DSE: variants seen among roughly 807,000 people sequenced by gnomAD.
DSE encodes dermatan sulfate epimerase.
DSE carries 36 observed loss-of-function variants against 84.4 expected under a neutral mutation model. That is an observed-to-expected ratio of 0.43 (90% confidence interval 0.33 to 0.56). The LOEUF (loss-of-function observed/expected upper bound fraction) is 0.56. DSE is among the 20% of genes least tolerant of loss of function. DSE has a pLI of 0.06. For missense variants in DSE, 862 were observed against 1,169.6 expected (o/e 0.74, Z 3.84); for synonymous variants, 410 against 430.1 (o/e 0.95, Z 0.58).
intron 2 of DSE, among the ~76,000 whole-genome samples, chr6:116,306,181 C>G (rs184636052): frequency 3.7e-4 from 56 of 152,130 alleles, no homozygotes; most frequent in Non-Finnish European, 6.9e-4. Context: ...TGGATAAAAA[C>G]TACAAAGAAG....
At chr6:116,290,265 G>C (rs932002676) in intron 2 of DSE, among the ~76,000 whole-genome samples, 1 of 152,026 alleles carries the variant, frequency 6.6e-6, no homozygotes, top group African/African-American at 2.4e-5. Flanking sequence ...CGTTTTCTTG[G>C]ATCTGTATCA....
chr6:116,265,407 A>G (rs1014649202), intron 2 of DSE, among the ~76,000 whole-genome samples: 1 of 152,166 alleles, frequency 6.6e-6, no homozygotes, highest in African/African-American at 2.4e-5. Context: ...GGCTCTGTCT[A>G]CAATGGCAGT....
chr6:116,436,446 G>A lies in DSE; in HGVS notation c.1978G>A (p.Ala660Thr). ...TMHLRSPITR[A>T]AYLFIGPSID... Reference sequence around the variant, plus strand: ...GCACCTCCGAAGTCCCATCACCAGGGCAGCTTACCTCTTCATAGGGCCATC... The same window carrying A: ...GCACCTCCGAAGTCCCATCACCAGGACAGCTTACCTCTTCATAGGGCCATC... The change falls in exon 6 of 6, where the codon GCA (alanine) becomes ACA (threonine). Residue 660 changes from alanine (A) to threonine (T), a missense_variant. This residue lies in a region of DSE where 186 missense variants were observed against 255.1 expected (regional missense o/e 0.73). Transcript: ENST00000644252. 1.9e-6 allele frequency: 3 copies of A among 1,614,090 alleles called. No individual in the cohort carries two copies. The highest frequency in any genetic ancestry group is 2.5e-6 in the Non-Finnish European group (3 of 1,180,006).
intron 1 of DSE, among the ~76,000 whole-genome samples, chr6:116,382,827 G>C (rs551185972): frequency 6.6e-6 from 1 of 152,238 alleles, no homozygotes; most frequent in East Asian, 1.9e-4. Flanking sequence ...TGAGGTAAGT[G>C]AACAAATAGG....
chr6:116,340,733 G>A (rs1377831103), intron 2 of DSE, among the ~76,000 whole-genome samples: 2 of 152,028 alleles, frequency 1.3e-5, no homozygotes, highest in African/African-American at 4.8e-5. Flanking sequence ...GTGAGAACAT[G>A]TGGTGTTTGG....
At chr6:116,432,601 C>G (rs1217918371) in intron 4 of DSE, 1 of 151,200 alleles carries the variant, frequency 6.6e-6, no homozygotes, top group African/African-American at 2.4e-5. Context: ...AATCTGTTTT[C>G]AACTTCATTT....
At chr6:116,417,269 G>T (rs1048643829) in intron 2 of DSE, among the ~76,000 whole-genome samples, 1 of 152,154 alleles carries the variant, frequency 6.6e-6, no homozygotes, top group African/African-American at 2.4e-5. Context: ...GATTATGTTT[G>T]GGTGGCATGC....
chr6:116,331,236 T>C (rs1341196983), intron 2 of DSE, among the ~76,000 whole-genome samples: 5 of 152,150 alleles, frequency 3.3e-5, no homozygotes, highest in Non-Finnish European at 7.3e-5. Flanking sequence ...TTCATTCTCT[T>C]GCTGCTATGA....
At chr6:116,278,571 G>A (rs764951902) in intron 2 of DSE, 6 of 1,614,034 alleles carry the variant, frequency 3.7e-6, no homozygotes, top group Admixed American at 3.3e-5. Flanking sequence ...CCCTTAGCGG[G>A]CGACGTCGGG....
chr6:116,288,575 A>G (rs1233038503), intron 2 of DSE: 1 of 152,114 alleles, frequency 6.6e-6, no homozygotes, highest in African/African-American at 2.4e-5. Context: ...CTATTTCAAC[A>G]TGCATTCAAG....
upstream of DSE, among the ~76,000 whole-genome samples, chr6:116,368,987 C>T (rs183954764): frequency 3.7e-3 from 564 of 151,752 alleles, 5 homozygotes; most frequent in South Asian, 0.014. Context: ...GAGGCCAATT[C>T]GCAGGTCACT....
At chr6:116,408,385 C>T (rs78540215) in intron 2 of DSE, among the ~76,000 whole-genome samples, 2,959 of 152,170 alleles carry the variant, frequency 0.019, 104 homozygotes, top group East Asian at 0.17. Flanking sequence ...CAGCATTTTT[C>T]GGGGTTCCAA....
intron 3 of DSE, among the ~76,000 whole-genome samples, chr6:116,428,004 C>G (rs965770547): frequency 4.6e-5 from 7 of 152,180 alleles, no homozygotes; most frequent in African/African-American, 1.7e-4. Flanking sequence ...GCCTGGCCAA[C>G]ATGGGGAAAT....
chr6:116,316,035 A>G lies in DSE; in HGVS notation c.-54+57068A>G, dbSNP rs185359306. The stretch of plus-strand genomic sequence containing the variant: ...GCTGCTTCCTACTCTTCCCCATTAC[A>G]TACTCTGAAGGAATTTAGTGAGTTT... On this transcript the variant is annotated intron_variant, in intron 2 of 3. Coordinates refer to the DSE transcript ENST00000430252. 3.0e-4 allele frequency among the ~76,000 whole-genome samples: 46 copies of G among 152,080 alleles called. 1 individual carries two copies. The East Asian group carries it at 7.9e-3, about 26-fold the overall frequency.
chr6:116,332,352 T>C (rs1025943211), intron 2 of DSE, among the ~76,000 whole-genome samples: 10 of 150,686 alleles, frequency 6.6e-5, no homozygotes, highest in African/African-American at 2.4e-4. Context: ...CCAAAGAAAT[T>C]CAAATCAAAA....
chr6:116,350,660 A>C (rs1439113768), intron 2 of DSE, among the ~76,000 whole-genome samples: 1 of 152,200 alleles, frequency 6.6e-6, no homozygotes, highest in Non-Finnish European at 1.5e-5. Context: ...GGTAATTTTG[A>C]TATTTAAGAC....
Position 116,431,100 on chromosome 6 carries a change from A to G in DSE, c.817A>G (p.Met273Val), listed in dbSNP as rs751004584. The G allele has an allele frequency of 4.3e-6, 7 of 1,614,056 alleles. No individual in the cohort carries two copies. In the East Asian group the frequency reaches 8.9e-5, roughly 21 times the overall value. Residue 273 changes from methionine (M) to valine (V), a missense_variant, in exon 4 of 6, where the codon ATG (methionine) becomes GTG (valine). Around this residue, in one of 4 missense-constraint regions of DSE, gnomAD observed 309 missense variants for 516.9 expected, o/e 0.60. Transcript: ENST00000644252. ...SYTTRSLFQY[M>V]FLVQRHFNIN... ...CACCACTAGATCACTCTTCCAATACATGTTTCTCGTCCAGAGGCACTTCAA... is the reference window on the plus strand; with the variant it reads ...CACCACTAGATCACTCTTCCAATACGTGTTTCTCGTCCAGAGGCACTTCAA...
chr6:116,331,580 A>T (rs920065582), intron 2 of DSE, among the ~76,000 whole-genome samples: 8 of 152,222 alleles, frequency 5.3e-5, no homozygotes, highest in African/African-American at 1.9e-4. Context: ...GCGGGGACAG[A>T]GCCAAACCAT....
chr6:116,278,181 C>A lies in DSE; in HGVS notation c.-54+19214C>A, dbSNP rs188193873. 53 of 319,200 alleles carry A rather than the reference C, an allele frequency of 1.7e-4. No individual in the cohort carries two copies. In the East Asian group the frequency reaches 2.8e-3, roughly 17 times the overall value. The allele number at this position is 319,200 out of a possible 1,614,324, so 19.8% of individuals were successfully genotyped here. On this transcript the variant is annotated intron_variant, in intron 2 of 3. Coordinates refer to the DSE transcript ENST00000430252. ...AGCTAGAAATCCAAGTGACAGCAAC[C>A]AGTTCAGAGGCCCTGGGAATAAACA...
Sources: gnomAD v4.1 joint callset for allele counts (sites outside exome capture counted in the v4.1 genomes callset) on GRCh38, gnomAD v4.1.1 for gene constraint, gnomAD v4.1.1 regional missense constraint, MANE v1.5 for transcripts, NCBI Gene and HGNC (gene_info 2026-07-23, HGNC 2026-07-21) for gene names.